KCNT2: variants seen among roughly 807,000 people sequenced by gnomAD.
KCNT2 encodes potassium sodium-activated channel subfamily T member 2.
KCNT2 carries 67 observed loss-of-function variants against 153.8 expected under a neutral mutation model. That is an observed-to-expected ratio of 0.44 (90% CI 0.36 to 0.53). The LOEUF (loss-of-function observed/expected upper bound fraction) is 0.53, where lower values mean the gene tolerates loss of function less well. KCNT2 is among the 20% of genes least tolerant of loss of function. The pLI is 0.00. For missense variants in KCNT2, 975 were observed against 1,354.8 expected (o/e 0.72, Z 4.40); for synonymous variants, 500 against 458.8 (o/e 1.09, Z -1.15).
chr1:196,345,207 GTGT>G (rs1666040232), intron 14 of KCNT2, among the ~76,000 whole-genome samples: 1 of 152,160 alleles, frequency 6.6e-6, no homozygotes, highest in African/African-American at 2.4e-5. Flanking sequence ...AAATTGTGTT[GTGT>G]TTAGAGGTGA....
At chr1:196,240,917 A>G (rs965963949) in intron 26 of KCNT2, among the ~76,000 whole-genome samples, 2 of 152,018 alleles carry the variant, frequency 1.3e-5, no homozygotes, top group African/African-American at 2.4e-5. Flanking sequence ...ACTCAGGACT[A>G]TTAGGTGGTC....
At chr1:196,538,310 A>T (rs1331957368) in intron 1 of KCNT2, among the ~76,000 whole-genome samples, 1 of 152,058 alleles carries the variant, frequency 6.6e-6, no homozygotes, top group African/African-American at 2.4e-5. Flanking sequence ...TAAACCTGAA[A>T]TCAGCATGGA....
At chr1:196,387,981 A>G (rs979173138) in intron 13 of KCNT2, among the ~76,000 whole-genome samples, 3 of 150,676 alleles carry the variant, frequency 2.0e-5, no homozygotes, top group Non-Finnish European at 4.4e-5. Context: ...CTCAGCTAAG[A>G]AATATTTGCT....
At chr1:196,473,720 A>G (rs1454669013) in intron 5 of KCNT2, among the ~76,000 whole-genome samples, 1 of 152,148 alleles carries the variant, frequency 6.6e-6, no homozygotes, top group Non-Finnish European at 1.5e-5. Context: ...AAAAATAGCT[A>G]ATGAAACATA....
At chr1:196,543,543 T>C (rs1253646480) in intron 1 of KCNT2, among the ~76,000 whole-genome samples, 4 of 152,110 alleles carry the variant, frequency 2.6e-5, no homozygotes, top group Non-Finnish European at 5.9e-5. Context: ...CCAAACTTAA[T>C]TAAAAAGTCA....
intron 8 of KCNT2, among the ~76,000 whole-genome samples, chr1:196,454,371 C>T (rs935815778): frequency 1.3e-5 from 2 of 151,846 alleles, no homozygotes; most frequent in Non-Finnish European, 1.5e-5. Flanking sequence ...CCTTGCCCTC[C>T]TTCCCCTCTT....
At chr1:196,302,324 T>C (rs1661257653) in intron 22 of KCNT2, among the ~76,000 whole-genome samples, 2 of 151,492 alleles carry the variant, frequency 1.3e-5, no homozygotes, top group South Asian at 4.2e-4. Flanking sequence ...TATTACTGAT[T>C]AAAAAAAAAC....
At chr1:196,244,550 C>T (rs964740563) in intron 26 of KCNT2, among the ~76,000 whole-genome samples, 5 of 152,100 alleles carry the variant, frequency 3.3e-5, no homozygotes, top group South Asian at 2.1e-4. Flanking sequence ...TGAACATTGA[C>T]GGTAGCCAGG....
intron 27 of KCNT2, among the ~76,000 whole-genome samples, chr1:196,234,778 C>CTGACTT (rs1285896396): frequency 6.6e-6 from 1 of 151,438 alleles, no homozygotes; most frequent in Non-Finnish European, 1.5e-5. Context: ...CTGCTAGTCT[C>CTGACTT]TGACTTTGTC....
intron 23 of KCNT2, among the ~76,000 whole-genome samples, chr1:196,284,969 A>T (rs1343352099): frequency 6.6e-6 from 1 of 152,206 alleles, no homozygotes; most frequent in African/African-American, 2.4e-5. Context: ...AACTCTACGA[A>T]TATTTCTTTC....
intron 13 of KCNT2, among the ~76,000 whole-genome samples, chr1:196,397,653 C>A (rs1399812668): frequency 6.6e-6 from 1 of 151,374 alleles, no homozygotes; most frequent in Non-Finnish European, 1.5e-5. Context: ...AAGGCTAGAG[C>A]AAACTGAATA....
rs781436497 is a variant in KCNT2 at position 196,267,272 on chromosome 1, A to G, written c.2911-8778T>C. Among the ~76,000 whole-genome samples, 17 of 152,308 alleles carry G rather than the reference A, an allele frequency of 1.1e-4. No homozygotes were observed. The East Asian group carries it at 1.5e-3, about 14-fold the overall frequency. Reference sequence around the variant, plus strand: ...AGGAGCTCACAAGAAAGAATAGACCATTGTCTTATACAAACTGCAAGGCTC... The same window carrying G: ...AGGAGCTCACAAGAAAGAATAGACCGTTGTCTTATACAAACTGCAAGGCTC... On this transcript the variant is annotated intron_variant, in intron 25 of 27. Transcript: ENST00000294725.
intron 18 of KCNT2, among the ~76,000 whole-genome samples, chr1:196,327,776 C>T (rs1255798668): frequency 6.6e-6 from 1 of 151,198 alleles, no homozygotes; most frequent in African/African-American, 2.4e-5. Flanking sequence ...AGGTGATTCT[C>T]CCACCTCAGC....
At chr1:196,320,162 C>T (rs986858624) in intron 19 of KCNT2, among the ~76,000 whole-genome samples, 19 of 151,670 alleles carry the variant, frequency 1.3e-4, no homozygotes, top group Admixed American at 1.1e-3. Context: ...ATTGAGGAAA[C>T]ATTTATGACT....
chr1:196,398,992 T>C (rs146389332), intron 12 of KCNT2, among the ~76,000 whole-genome samples: 5 of 151,682 alleles, frequency 3.3e-5, no homozygotes, highest in Admixed American at 2.0e-4. Context: ...TAGTTTGTAA[T>C]AGGAATTTCC....
At chr1:196,331,925 G>C (rs1271371822) in intron 17 of KCNT2, among the ~76,000 whole-genome samples, 1 of 151,992 alleles carries the variant, frequency 6.6e-6, no homozygotes, top group Non-Finnish European at 1.5e-5. Context: ...TTAGCTTGCT[G>C]ACTTTTAAAA....
At chr1:196,425,814 A>C in intron 11 of KCNT2, 38 bp downstream of exon 11, 1 of 1,606,020 alleles carries the variant, frequency 6.2e-7, no homozygotes. Context: ...AAGTCACTCA[A>C]AACTGTAAGC....
chr1:196,420,998 C>T (rs1176080988), intron 12 of KCNT2, among the ~76,000 whole-genome samples: 1 of 152,068 alleles, frequency 6.6e-6, no homozygotes, highest in Non-Finnish European at 1.5e-5. Flanking sequence ...TATAACCCTA[C>T]ATTCAGAGAC....
At chr1:196,491,027 G>A (rs938928277) in intron 2 of KCNT2, among the ~76,000 whole-genome samples, 1 of 151,904 alleles carries the variant, frequency 6.6e-6, no homozygotes, top group African/African-American at 2.4e-5. Context: ...CATTTTATGG[G>A]TTCACTTCCT....
Sources: gnomAD v4.1 joint callset for allele counts (sites outside exome capture counted in the v4.1 genomes callset) on GRCh38, gnomAD v4.1.1 for gene constraint, MANE v1.5 for transcripts, NCBI Gene and HGNC (gene_info 2026-07-23, HGNC 2026-07-21) for gene names.